DNAH9: variants seen among roughly 807,000 people sequenced by gnomAD.
The protein encoded by DNAH9 is DNAH9 variant protein.
A neutral mutation model predicts 471.6 loss-of-function variants in DNAH9; 345 were observed. The ratio of observed to expected loss-of-function variants is 0.73; its 90% confidence interval spans 0.67 to 0.80. DNAH9 has a LOEUF of 0.80. DNAH9 is among the 30% of genes least tolerant of loss of function. The probability of loss-of-function intolerance (pLI) is 0.00; values close to 1 mark genes in which losing one functional copy is unlikely to be tolerated. For missense variants in DNAH9, 5,407 were observed against 5,609.2 expected, an observed-to-expected ratio of 0.96 and a Z score of 1.15; for synonymous variants, 2,093 against 2,123.6, an observed-to-expected ratio of 0.99 and a Z score of 0.40.
At chr17:11,629,255 C>G (rs926181341) in intron 6 of DNAH9, among the ~76,000 whole-genome samples, 162 bp from the exon 7 acceptor site, 1 of 151,910 alleles carries the variant, frequency 6.6e-6, no homozygotes, top group Non-Finnish European at 1.5e-5. Context: ...CCCATCCCCC[C>G]ACCCCACAAC....
rs2151433197 is a variant in DNAH9 at position 11,942,361 on chromosome 17, A to G, written c.12719A>G (p.Glu4240Gly). Reference protein sequence around the residue: ...ERVTDEFNIPELMAKVEERTP... With the variant: ...ERVTDEFNIPGLMAKVEERTP... ...GTGACAGACGAGTTTAACATCCCAG[A>G]ACTGATGGCCAAAGTGGAGGAGCGC... Residue 4240 changes from glutamate to glycine, a missense_variant, in exon 67 of 69, where the codon GAA (glutamate) becomes GGA (glycine). Glu to Gly is a moderately conservative substitution (Grantham distance 98). This residue lies in a region of DNAH9 where 4,636 missense variants were observed against 4,900.3 expected (regional missense o/e 0.95). Transcript: ENST00000262442. 6.2e-7 allele frequency: 1 copy of G among 1,614,180 alleles called. No homozygotes were observed. Among genetic ancestry groups the G allele is most frequent in the African/African-American group, 1.3e-5 (1 of 75,042 alleles).
In DNAH9 at chr17:11,862,081, C is replaced by T. The variant is rs540890656; in HGVS notation, c.9934-7053C>T. 9.9e-5 allele frequency among the ~76,000 whole-genome samples: 12 copies of T among 121,648 alleles called. 1 individual carries two copies. The highest frequency in any genetic ancestry group is 3.2e-4 in the African/African-American group (11 of 34,168). 79.8% of individuals were successfully genotyped at this position (121,648 alleles called of 152,430 possible). Reference sequence around the variant, plus strand: ...TTGCCATTGCTTTTGGTGTTTTAGACGTGAAGTCCTTGCCCATGCCTGTCC... The same window carrying T: ...TTGCCATTGCTTTTGGTGTTTTAGATGTGAAGTCCTTGCCCATGCCTGTCC... On this transcript the variant is annotated intron_variant, in intron 50 of 68. Transcript: ENST00000262442.
At chr17:11,868,693 T>C (rs1972150710) in intron 50 of DNAH9, among the ~76,000 whole-genome samples, 2 of 151,964 alleles carry the variant, frequency 1.3e-5, no homozygotes, top group South Asian at 4.2e-4. Context: ...AACCCCAGTT[T>C]TGATGTGTTC....
At chr17:11,878,545 T>TTTTG (rs113781997) in intron 53 of DNAH9, among the ~76,000 whole-genome samples, 4,371 of 151,926 alleles carry the variant, frequency 0.029, 211 homozygotes, top group African/African-American at 0.099. Context: ...TTTTTAGTTT[T>TTTTG]TTTGTTTGTT....
At chr17:11,804,065 A>C (rs545242556) in intron 43 of DNAH9, among the ~76,000 whole-genome samples, 2 of 152,348 alleles carry the variant, frequency 1.3e-5, no homozygotes, top group African/African-American at 4.8e-5. Context: ...AATGTATTAG[A>C]TACCTTCAAT....
At chr17:11,684,987 T>G (rs2150746631) in intron 19 of DNAH9, among the ~76,000 whole-genome samples, 1 of 152,324 alleles carries the variant, frequency 6.6e-6, no homozygotes, top group African/African-American at 2.4e-5. Context: ...TTCACAGGAT[T>G]TAGGCTTTCA....
At chr17:11,675,401 C>T (rs1267054582) in intron 17 of DNAH9, among the ~76,000 whole-genome samples, 1 of 152,114 alleles carries the variant, frequency 6.6e-6, no homozygotes, top group South Asian at 2.1e-4. Context: ...TTTATTTCTT[C>T]TTCCTTCTCG....
chr17:11,691,061 C>T (rs1030424079), intron 20 of DNAH9, among the ~76,000 whole-genome samples: 1 of 152,170 alleles, frequency 6.6e-6, no homozygotes. Context: ...TAGGCTTCCT[C>T]TATATTCTTT....
In DNAH9 at chr17:11,599,550, G is replaced by A. The variant is rs370589989; in HGVS notation, c.417+635G>A. ...TTGGGCTCCCATTTGGAAATGCCCA[G>A]CAGGCCTTTGGAGGAGTCTGCCTGA... On this transcript the variant is annotated intron_variant, in intron 1 of 68. Transcript: ENST00000262442. 1.1e-4 allele frequency among the ~76,000 whole-genome samples: 16 copies of A among 152,346 alleles called. No individual in the cohort carries two copies. The East Asian group carries it at 2.9e-3, about 28-fold the overall frequency.
At chr17:11,801,460 C>T (rs1409743577) in intron 43 of DNAH9, among the ~76,000 whole-genome samples, 5 of 152,114 alleles carry the variant, frequency 3.3e-5, no homozygotes, top group Admixed American at 6.5e-5. Flanking sequence ...GAGGCCGATG[C>T]GGGTGGATCA....
intron 67 of DNAH9, among the ~76,000 whole-genome samples, chr17:11,953,382 T>C (rs892994352): frequency 4.6e-5 from 7 of 152,302 alleles, no homozygotes; most frequent in African/African-American, 1.7e-4. Context: ...CCTTGCTTTT[T>C]CCCCTCCTTA....
chr17:11,969,338 AC>A lies in DNAH9; in HGVS notation c.13277del (p.Pro4426LeufsTer4), dbSNP rs780357713. ...ITEAKLKDLTPPMPVMFIKAI... is the reference protein window; with the variant it reads ...ITEAKLKDLTXPMPVMFIKAI... Reference sequence around the variant, plus strand: ...CAGAGGCAAAGCTGAAGGATCTGACACCCCCTATGCCTGTGATGTTCATCAA... The same window carrying A: ...CAGAGGCAAAGCTGAAGGATCTGACACCCCTATGCCTGTGATGTTCATCAA... On this transcript the variant is annotated frameshift_variant, in exon 69 of 69. Coordinates refer to ENST00000262442, the MANE Select transcript of DNAH9 (RefSeq NM_001372.4). LOFTEE classifies it high-confidence loss of function. 7.4e-6 allele frequency: 12 copies of A among 1,613,906 alleles called. No homozygotes were observed. The highest frequency in any genetic ancestry group is 1.0e-5 in the Non-Finnish European group (12 of 1,179,970).
rs751263153 is a variant in DNAH9 at position 11,742,243 on chromosome 17, T to C, written c.6041T>C (p.Ile2014Thr). 58 of 1,614,122 alleles carry C rather than the reference T, an allele frequency of 3.6e-5. 1 individual carries two copies. In the South Asian group the frequency reaches 5.5e-4, roughly 15 times the overall value. Residue 2014 changes from isoleucine (I) to threonine (T), a missense_variant, in exon 30 of 69, where the codon ATT (isoleucine) becomes ACT (threonine). Coordinates refer to ENST00000262442, the MANE Select transcript of DNAH9 (RefSeq NM_001372.4). Reference sequence around the variant, plus strand: ...ATCATGCTGGTGGCAGAAGGATTCATTGAAGCCCAGTCATTAGCCAGAAAG... The same window carrying C: ...ATCATGCTGGTGGCAGAAGGATTCACTGAAGCCCAGTCATTAGCCAGAAAG... ...CEIMLVAEGFIEAQSLARKFI... is the reference protein window; with the variant it reads ...CEIMLVAEGFTEAQSLARKFI...
chr17:11,923,501 T>C (rs1322111127), intron 61 of DNAH9, among the ~76,000 whole-genome samples: 1 of 152,106 alleles, frequency 6.6e-6, no homozygotes, highest in Non-Finnish European at 1.5e-5. Flanking sequence ...TTAGCAGAGA[T>C]GGGGTTTCAC....
intron 49 of DNAH9, among the ~76,000 whole-genome samples, chr17:11,852,278 A>G (rs1465685367): frequency 6.6e-6 from 1 of 152,232 alleles, no homozygotes; most frequent in African/African-American, 2.4e-5. Flanking sequence ...ATGGTTTCAC[A>G]GCATTTTAAG....
intron 14 of DNAH9, among the ~76,000 whole-genome samples, chr17:11,655,314 T>C (rs1299619906): frequency 3.3e-5 from 5 of 151,498 alleles, no homozygotes; most frequent in African/African-American, 1.2e-4. Flanking sequence ...GCAAATGCCA[T>C]TATTTCATTC....
Position 11,930,097 on chromosome 17 carries a change from C to A in DNAH9, c.12105+4C>A. 1 of 1,612,034 alleles carries A rather than the reference C, an allele frequency of 6.2e-7. No homozygotes were observed. Among genetic ancestry groups the A allele is most frequent in the Non-Finnish European group, 8.5e-7 (1 of 1,178,766 alleles). On this transcript the variant is annotated splice_donor_region_variant and intron_variant, in intron 63 of 68. Transcript: ENST00000262442. ...GGCCCTGGACAACTTCACTCAGGTA[C>A]GGCCCCGGGAGGGAGGCAAAAACAG...
chr17:11,601,484 G>A (rs954412009), intron 1 of DNAH9, among the ~76,000 whole-genome samples: 2 of 152,108 alleles, frequency 1.3e-5, no homozygotes, highest in African/African-American at 4.8e-5. Context: ...AAAAGCTTTT[G>A]TACGTTTAAA....
chr17:11,679,740 C>T lies in DNAH9; in HGVS notation c.3354-17C>T. On this transcript the variant is annotated splice_polypyrimidine_tract_variant and intron_variant, in intron 17 of 68. Transcript: ENST00000262442. ...TAGAACGAGAATGGTTCCTCATGTT[C>T]TGTTTGTGTTGATTAGCTTGGCCAA... 3 of 1,546,918 alleles carry T rather than the reference C, an allele frequency of 1.9e-6. No individual in the cohort carries two copies. Among genetic ancestry groups the T allele is most frequent in the Non-Finnish European group, 1.8e-6 (2 of 1,118,640 alleles).
Sources: allele counts gnomAD v4.1 joint callset (sites outside exome capture counted in the v4.1 genomes callset), GRCh38; gene constraint gnomAD v4.1.1; regional missense constraint gnomAD v4.1.1; transcripts MANE v1.5; gene names NCBI Gene and HGNC (gene_info 2026-07-23, HGNC 2026-07-21).